MOK: variants seen among roughly 807,000 people sequenced by gnomAD.
MOK encodes MAPK/MAK/MRK overlapping kinase.
MOK carries 59 observed loss-of-function variants against 54.2 expected under a neutral mutation model. The ratio of observed to expected loss-of-function variants is 1.09; its 90% CI spans 0.88 to 1.35. The LOEUF (loss-of-function observed/expected upper bound fraction) is 1.35. Among genes scored for constraint, MOK ranks in the 40% most tolerant of loss-of-function variants. MOK has a pLI of 0.00. For missense variants in MOK, 517 were observed against 526.2 expected, an observed-to-expected ratio of 0.98 and a Z score of 0.17; for synonymous variants, 210 against 202.7, an observed-to-expected ratio of 1.04 and a Z score of -0.31.
rs1170305685 is a variant in MOK, at chr14:102,240,038, G to T, written c.591-6249C>A. On this transcript the variant is annotated intron_variant, in intron 7 of 11. Transcript: ENST00000361847. The surrounding 1 kb of genome is among the most constrained non-coding windows in gnomAD (Gnocchi z 5.4). ...AAGAATCACAAAAGAAGTGAAAATG[G>T]CCAGCCCTGCCTTAACTGATGACAT... Among the ~76,000 whole-genome samples the T allele has an allele frequency of 6.6e-6, 1 of 152,114 alleles. No homozygotes were observed. Among genetic ancestry groups the T allele is most frequent in the African/African-American group, 2.4e-5 (1 of 41,416 alleles).
At chr14:102,214,614 G>A in the MOK span, 2 of 985,184 alleles carry the variant, frequency 2.0e-6, no homozygotes, top group Non-Finnish European at 2.4e-6. Flanking sequence ...GTATACTTGA[G>A]TTTATTAGAG....
At chr14:102,224,946 T>C, downstream of MOK, 1 of 382,190 alleles carries the variant, frequency 2.6e-6, no homozygotes, top group Admixed American at 3.2e-5. Flanking sequence ...TCTTAAAGTG[T>C]TGATTGCTAG....
At chr14:102,295,963 T>G (rs2071373052) in intron 1 of MOK, among the ~76,000 whole-genome samples, 1 of 152,012 alleles carries the variant, frequency 6.6e-6, no homozygotes, top group Admixed American at 6.6e-5. Context: ...TAGCAACACC[T>G]GGCTAGGCAT....
the MOK span, among the ~76,000 whole-genome samples, chr14:102,215,505 C>T: frequency 1.3e-5 from 2 of 152,092 alleles, no homozygotes; most frequent in East Asian, 3.8e-4. Context: ...GCTGAACGTG[C>T]AGGTTTGTTA....
At chr14:102,250,543 A>G (rs1457058738) in intron 7 of MOK, among the ~76,000 whole-genome samples, 3 of 152,064 alleles carry the variant, frequency 2.0e-5, no homozygotes, top group African/African-American at 7.2e-5. Context: ...CCTCACAGCA[A>G]CCCCAAGGAG....
At position 102,238,235 on chromosome 14, in the gene MOK, C is replaced by T. The variant is rs979626871; in HGVS notation, c.591-4446G>A. On this transcript the variant is annotated intron_variant, in intron 7 of 11. Transcript: ENST00000361847. This position sits in a 1 kb window ranked among gnomAD's most constrained non-coding sequence, Gnocchi z 4.8. The stretch of plus-strand genomic sequence containing the variant: ...GTAATTGAAGCTAAGCCCCTACCTC[C>T]AGGAACCTCCTCTCAAAAAGCAGAA... 9 of 152,276 alleles carry T rather than the reference C, an allele frequency of 5.9e-5. No individual in the cohort carries two copies. The highest frequency in any genetic ancestry group is 2.2e-4 in the African/African-American group (9 of 41,450). The allele number at this position is 152,276 out of a possible 1,614,324, so 9.4% of individuals were successfully genotyped here.
chr14:102,226,118 C>A, downstream of MOK: 1 of 578,766 alleles, frequency 1.7e-6, no homozygotes, highest in Admixed American at 3.2e-5. The surrounding 1 kb of genome is among the most constrained non-coding windows in gnomAD (Gnocchi z 4.8). Flanking sequence ...CACACGAAGA[C>A]GTGCACGTCT....
At position 102,232,457 on chromosome 14, in the gene MOK, A is replaced by C. The variant is rs145647027; in HGVS notation, c.866+78T>G. ...AACCAGGGACCCTCCAGGGGGCAGT[A>C]CCTTGCCCCACCATGTGCCCATGGG... On this transcript the variant is annotated intron_variant, in intron 9 of 11. Coordinates refer to ENST00000361847, the MANE Select transcript of MOK (RefSeq NM_014226.3). This position sits in a 1 kb window ranked among gnomAD's most constrained non-coding sequence, Gnocchi z 5.1. The C allele has an allele frequency of 9.5e-4, 1,423 of 1,495,664 alleles. 14 individuals are homozygous for C. In the African/African-American group the frequency reaches 0.016, roughly 17 times the overall value. The allele number at this position is 1,495,664 out of a possible 1,614,324, so 92.6% of individuals were successfully genotyped here.
chr14:102,282,533 A>G lies in MOK; in HGVS notation c.122+945T>C, dbSNP rs2069554374. Among the ~76,000 whole-genome samples the G allele has an allele frequency of 2.0e-5, 3 of 151,740 alleles. No homozygotes were observed. The South Asian group carries it at 6.2e-4, about 32-fold the overall frequency. Reference sequence around the variant, plus strand: ...GCAGATACCTTGAGGTCAGGAGTTCAAGACCAGCACGGGCAACGTGGTGAA... The same window carrying G: ...GCAGATACCTTGAGGTCAGGAGTTCGAGACCAGCACGGGCAACGTGGTGAA... On this transcript the variant is annotated intron_variant, in intron 2 of 11. Transcript: ENST00000361847.
chr14:102,218,120 G>A, the MOK span, among the ~76,000 whole-genome samples: 1 of 152,248 alleles, frequency 6.6e-6, no homozygotes, highest in Non-Finnish European at 1.5e-5. Context: ...GGAGAGAAGC[G>A]CTAGTCTGCC....
Position 102,231,513 on chromosome 14 carries a change from T to G in MOK, c.981+194A>C, listed in dbSNP as rs1473932573. On this transcript the variant is annotated intron_variant, in intron 10 of 11. Transcript: ENST00000361847. The surrounding 1 kb of genome is among the most constrained non-coding windows in gnomAD (Gnocchi z 4.4). The stretch of plus-strand genomic sequence containing the variant: ...CTTAGCTACTGGGGCAGAAAGGGCT[T>G]GAGCAAATAGAACTGGGGTCCCTGA... The G allele has an allele frequency of 7.3e-6, 4 of 546,140 alleles. No individual in the cohort carries two copies. The highest frequency in any genetic ancestry group is 1.3e-5 in the Non-Finnish European group (4 of 303,812). 33.8% of individuals were successfully genotyped at this position (546,140 alleles called of 1,614,324 possible). A position where few individuals can be genotyped will look rare whatever the true frequency, so the allele number is the denominator to read the frequency against.
chr14:102,233,872 A>G (rs944829142), intron 7 of MOK, 83 bp from the exon 8 acceptor site: 27 of 997,544 alleles, frequency 2.7e-5, no homozygotes, highest in Non-Finnish European at 3.8e-5. Context: ...TGGACCGCAC[A>G]AGGGGAGATC....
At chr14:102,287,849 G>A (rs1206038154) in intron 1 of MOK, among the ~76,000 whole-genome samples, 5 of 142,618 alleles carry the variant, frequency 3.5e-5, no homozygotes, top group South Asian at 4.4e-4. Context: ...TTTTTGAGAC[G>A]GAGTCTTGCT....
At chr14:102,280,184 T>C (rs1482775565) in intron 2 of MOK, among the ~76,000 whole-genome samples, 1 of 151,964 alleles carries the variant, frequency 6.6e-6, no homozygotes, top group Non-Finnish European at 1.5e-5. Context: ...CAAAAGTGCC[T>C]GGTCCAGCGG....
At position 102,305,099 on chromosome 14, in the gene MOK, G is replaced by C. The variant is rs991901096; in HGVS notation, c.-131C>G. 5.4e-6 allele frequency: 6 copies of C among 1,103,928 alleles called. No individual in the cohort carries two copies. The African/African-American group carries it at 9.3e-5, about 17-fold the overall frequency. 68.4% of individuals were successfully genotyped at this position (1,103,928 alleles called of 1,614,324 possible). ...ACTAGGATCTCCGTGGTGGTCCCTCGAAGGAGAGCGTTAGAGATCCCGCCG... is the reference window on the plus strand; with the variant it reads ...ACTAGGATCTCCGTGGTGGTCCCTCCAAGGAGAGCGTTAGAGATCCCGCCG... On this transcript the variant is annotated 5_prime_UTR_variant, in exon 1 of 12. Coordinates refer to ENST00000361847, the MANE Select transcript of MOK (RefSeq NM_014226.3).
At chr14:102,301,999 A>G (rs1597667652) in intron 1 of MOK, among the ~76,000 whole-genome samples, 1 of 151,894 alleles carries the variant, frequency 6.6e-6, no homozygotes. Context: ...TGATCAGCCA[A>G]CCTCGGCGTC....
At chr14:102,288,473 T>C (rs1310077150) in intron 1 of MOK, among the ~76,000 whole-genome samples, 4 of 152,230 alleles carry the variant, frequency 2.6e-5, no homozygotes, top group African/African-American at 9.6e-5. Context: ...ATATGAAATG[T>C]CCAGAATAAG....
At chr14:102,257,528 T>C (rs1483427007) in intron 4 of MOK, among the ~76,000 whole-genome samples, 1 of 152,104 alleles carries the variant, frequency 6.6e-6, no homozygotes, top group Non-Finnish European at 1.5e-5. Flanking sequence ...TATTTGCAAC[T>C]AAAAGGGAGA....
intron 2 of MOK, among the ~76,000 whole-genome samples, chr14:102,267,823 G>A (rs1037107683): frequency 1.3e-5 from 2 of 152,124 alleles, no homozygotes; most frequent in African/African-American, 4.8e-5. Flanking sequence ...CCACCATGCT[G>A]GAGCTGGGTC....
Sources: allele counts gnomAD v4.1 joint callset (sites outside exome capture counted in the v4.1 genomes callset), GRCh38; gene constraint gnomAD v4.1.1; non-coding constraint Gnocchi (gnomAD v3.1); transcripts MANE v1.5; gene names NCBI Gene and HGNC (gene_info 2026-07-23, HGNC 2026-07-21).